SYNGR3: variants seen among roughly 807,000 people sequenced by gnomAD.
The protein encoded by SYNGR3 is synaptogyrin-3.
A neutral mutation model predicts 18.5 loss-of-function variants in SYNGR3; 10 were observed. The observed-to-expected ratio is 0.54, with a 90% CI of 0.33 to 0.92. SYNGR3 has a LOEUF of 0.92. Ranked by LOEUF, SYNGR3 falls within the 40% of genes least tolerant of loss-of-function variation. The pLI is 0.02. For missense variants in SYNGR3, 335 were observed against 332.8 expected (o/e 1.01, Z -0.05); for synonymous variants, 188 against 157.2 (o/e 1.20, Z -1.47).
chr16:1,992,249 CGGGTGG>C, intron 2 of SYNGR3, 38 bp downstream of exon 2: 1 of 28,446 alleles, frequency 3.5e-5, no homozygotes, highest in Admixed American at 7.8e-4. Context: ...GAGAGCCTTC[CGGGTGG>C]GCGGGGAGGG....
chr16:1,991,675 G>T (rs1432106182), intron 1 of SYNGR3: 5 of 395,274 alleles, frequency 1.3e-5, no homozygotes, highest in Non-Finnish European at 2.3e-5. Flanking sequence ...AATGTCCCCC[G>T]CATTTATAAA....
chr16:1,993,592 G>T lies in SYNGR3; in HGVS notation c.*520G>T. On this transcript the variant is annotated 3_prime_UTR_variant, in exon 4 of 4. Transcript: ENST00000248121. The stretch of plus-strand genomic sequence containing the variant: ...CACTCTCCACTTTCTCTCACAGGCT[G>T]CTAGAACAGCCCAGCCCTGTCAGTG... The T allele has an allele frequency of 2.2e-6, 1 of 457,490 alleles. No homozygotes were observed. Among genetic ancestry groups the T allele is most frequent in the Non-Finnish European group, 4.4e-6 (1 of 227,618 alleles). The allele number at this position is 457,490 out of a possible 1,614,324, so 28.3% of individuals were successfully genotyped here.
In SYNGR3 at chr16:1,993,903, A is replaced by C. The variant is rs1597068117; in HGVS notation, c.*831A>C. On this transcript the variant is annotated 3_prime_UTR_variant, in exon 4 of 4. Transcript: ENST00000248121. ...AGATGGCCCCTGTGTGGTTCCCTTT[A>C]CCTTGGCTTCCTGGCCCAGTCCCTG... 6 of 261,854 alleles carry C rather than the reference A, an allele frequency of 2.3e-5. No homozygotes were observed. Among genetic ancestry groups the C allele is most frequent in the East Asian group, 2.2e-4 (2 of 9,092 alleles). 16.2% of individuals were successfully genotyped at this position (261,854 alleles called of 1,614,324 possible).
chr16:1,991,948 G>A, intron 1 of SYNGR3, 26 bp from the exon 2 acceptor site: 2 of 1,567,190 alleles, frequency 1.3e-6, no homozygotes, highest in East Asian at 4.8e-5. Flanking sequence ...GTCGCCGCAG[G>A]GCCCTGAGCG....
intron 3 of SYNGR3, 33 bp from the exon 4 acceptor site, chr16:1,992,830 C>T: frequency 1.3e-6 from 2 of 1,513,440 alleles, no homozygotes; most frequent in Non-Finnish European, 1.8e-6. Flanking sequence ...CTCGGCTGAT[C>T]CCGGCTGACC....
At chr16:1,992,833 GGCTGACCCC>G (rs755919438) in intron 3 of SYNGR3, 21 bp from the exon 4 acceptor site, 9 of 1,518,256 alleles carry the variant, frequency 5.9e-6, no homozygotes, top group African/African-American at 2.8e-5. Flanking sequence ...GGCTGATCCC[GGCTGACCCC>G]GCTGACCCCG....
Position 1,992,923 on chromosome 16 carries a change from G to C in SYNGR3, c.541G>C (p.Ala181Pro), listed in dbSNP as rs760931219. The change falls in exon 4 of 4, where the codon GCC (alanine) becomes CCC (proline). Residue 181 changes from alanine (A) to proline (P), a missense_variant. Coordinates refer to ENST00000248121, the MANE Select transcript of SYNGR3 (RefSeq NM_004209.6). Reference protein sequence around the residue: ...FRLGTDMSLFATEQLSTGASQ... With the variant: ...FRLGTDMSLFPTEQLSTGASQ... ...CCTGGGCACCGACATGTCACTCTTC[G>C]CCACCGAACAGCTGAGCACCGGGGC... 1.3e-5 allele frequency: 21 copies of C among 1,609,534 alleles called. 1 individual carries two copies. The South Asian group carries it at 2.2e-4, about 17-fold the overall frequency.
chr16:1,993,272 C>T lies in SYNGR3; in HGVS notation c.*200C>T, dbSNP rs1295641866. ...GTTCCCCCAGTCCCTCAGCACCTGG[C>T]CCCAGGACTGAGGTCCTGAGAAGGG... On this transcript the variant is annotated 3_prime_UTR_variant, in exon 4 of 4. Coordinates refer to ENST00000248121, the MANE Select transcript of SYNGR3 (RefSeq NM_004209.6). 6.1e-6 allele frequency: 4 copies of T among 658,298 alleles called. No individual in the cohort carries two copies. Among genetic ancestry groups the T allele is most frequent in the Non-Finnish European group, 1.1e-5 (4 of 380,678 alleles). 40.8% of individuals were successfully genotyped at this position (658,298 alleles called of 1,614,324 possible). A position where few individuals can be genotyped will look rare whatever the true frequency, so the allele number is the denominator to read the frequency against.
chr16:1,992,623 G>A lies in SYNGR3; in HGVS notation c.338-13G>A. On this transcript the variant is annotated splice_polypyrimidine_tract_variant and intron_variant, in intron 2 of 3. Coordinates refer to ENST00000248121, the MANE Select transcript of SYNGR3 (RefSeq NM_004209.6). ...GCGTGGAGCGTCGCCCTGACGCGCC[G>A]CACTGTTCGCAGGACTCTGGTCCTT... 6.3e-7 allele frequency: 1 copy of A among 1,595,748 alleles called. No homozygotes were observed. Among genetic ancestry groups the A allele is most frequent in the East Asian group, 2.3e-5 (1 of 42,630 alleles).
At chr16:1,990,265 G>GGGGCCCCCC in intron 1 of SYNGR3, 64 bp downstream of exon 1, 1 of 694,328 alleles carries the variant, frequency 1.4e-6, no homozygotes. Flanking sequence ...GCCCCTACCA[G>GGGGCCCCCC]CCCCCTGCCC....
Position 1,992,024 on chromosome 16 carries a change from C to T in SYNGR3, c.150C>T (p.Asn50=), listed in dbSNP as rs2083606778. The T allele has an allele frequency of 1.3e-6, 2 of 1,589,104 alleles. No individual in the cohort carries two copies. ...CCATCGTCAACGAGGGCTACGTGAA[C>T]ACCGACAGCGGCCCCGAGCTGCGCT... ...FGPIVNEGYV[N]TDSGPELRCV... Residue 50 remains asparagine (N), a synonymous_variant, in exon 2 of 4, where the codon AAC becomes AAT. Transcript: ENST00000248121.
At chr16:1,990,507 C>G (rs754712891) in intron 1 of SYNGR3, 1 of 519,468 alleles carries the variant, frequency 1.9e-6, no homozygotes. Context: ...AGCCCTTACT[C>G]CGTTTTTCCT....
chr16:1,990,281 C>A, intron 1 of SYNGR3, 80 bp downstream of exon 1: 1 of 562,620 alleles, frequency 1.8e-6, no homozygotes, highest in Non-Finnish European at 2.6e-6. Context: ...TGCCCCCTAC[C>A]CCCTGCCCCC....
In SYNGR3 at chr16:1,990,053, G is replaced by T; in HGVS notation, c.-50G>T. 1.2e-6 allele frequency: 1 copy of T among 826,938 alleles called. No individual in the cohort carries two copies. Among genetic ancestry groups the T allele is most frequent in the Non-Finnish European group, 1.6e-6 (1 of 635,124 alleles). The allele number at this position is 826,938 out of a possible 1,614,324, so 51.2% of individuals were successfully genotyped here. On this transcript the variant is annotated 5_prime_UTR_variant, in exon 1 of 4. Coordinates refer to ENST00000248121, the MANE Select transcript of SYNGR3 (RefSeq NM_004209.6). ...CGGCCTCGGGCGGGGCCGGCCGGAC[G>T]GACAGGCGGACAGAAGGCGCCAGGG...
Position 1,992,942 on chromosome 16 carries a change from C to G in SYNGR3, c.560C>G (p.Thr187Ser), listed in dbSNP as rs762896207. Residue 187 changes from threonine (T) to serine (S), a missense_variant, in exon 4 of 4, where the codon ACC becomes AGC. Coordinates refer to ENST00000248121, the MANE Select transcript of SYNGR3 (RefSeq NM_004209.6). ...CTCTTCGCCACCGAACAGCTGAGCA[C>G]CGGGGCGAGCCAGGCCTACCCCGGC... ...MSLFATEQLS[T>S]GASQAYPGYP... is the part of the protein sequence containing the mutation. 2 of 1,611,282 alleles carry G rather than the reference C, an allele frequency of 1.2e-6. No individual in the cohort carries two copies. The highest frequency in any genetic ancestry group is 8.5e-7 in the Non-Finnish European group (1 of 1,179,500).
At position 1,992,021 on chromosome 16, in the gene SYNGR3, G is replaced by A; in HGVS notation, c.147G>A (p.Val49=). 6.3e-7 allele frequency: 1 copy of A among 1,590,952 alleles called. No homozygotes were observed. Among genetic ancestry groups the A allele is most frequent in the African/African-American group, 1.4e-5 (1 of 73,910 alleles). ...VFGPIVNEGY[V]NTDSGPELRC... ...GGCCCATCGTCAACGAGGGCTACGT[G>A]AACACCGACAGCGGCCCCGAGCTGC... is the stretch of plus-strand genomic sequence containing the variant. The change falls in exon 2 of 4, where the codon GTG becomes GTA. Residue 49 remains valine, a synonymous_variant. Transcript: ENST00000248121.
chr16:1,992,784 TGCGGGGCCCGGGAGG>T lies in SYNGR3; in HGVS notation c.480+14_480+28del. The T allele has an allele frequency of 6.5e-7, 1 of 1,539,672 alleles. No individual in the cohort carries two copies. The highest frequency in any genetic ancestry group is 8.7e-7 in the Non-Finnish European group (1 of 1,148,362). ...TCTTCTCCATCCTCAGCTGGGTGAG[TGCGGGGCCCGGGAGG>T]GCGGGGCGAAGGGGCGGGCGCTCGG... On this transcript the variant is annotated splice_region_variant and intron_variant, in intron 3 of 3. Transcript: ENST00000248121.
rs933550277 is a variant in SYNGR3, at chr16:1,993,281, T to A, written c.*209T>A. On this transcript the variant is annotated 3_prime_UTR_variant, in exon 4 of 4. Coordinates refer to ENST00000248121, the MANE Select transcript of SYNGR3 (RefSeq NM_004209.6). ...GTCCCTCAGCACCTGGCCCCAGGAC[T>A]GAGGTCCTGAGAAGGGGATAGCACT... 15 of 641,648 alleles carry A rather than the reference T, an allele frequency of 2.3e-5. No individual in the cohort carries two copies. Among genetic ancestry groups the A allele is most frequent in the Non-Finnish European group, 3.6e-5 (13 of 365,324 alleles). 39.7% of individuals were successfully genotyped at this position (641,648 alleles called of 1,614,324 possible).
intron 2 of SYNGR3, 77 bp from the exon 3 acceptor site, chr16:1,992,559 C>G (rs1339137708): frequency 1.3e-6 from 2 of 1,519,774 alleles, no homozygotes; most frequent in Non-Finnish European, 1.8e-6. Context: ...TCGGGCCCAC[C>G]GACCTTTCCT....
Sources: allele counts gnomAD v4.1 joint callset, GRCh38; gene constraint gnomAD v4.1.1; transcripts MANE v1.5; gene names NCBI Gene and HGNC (gene_info 2026-07-23, HGNC 2026-07-21).